The following SPATA17 variants were observed in gnomAD, a reference collection of about 807,000 sequenced individuals.
The protein encoded by SPATA17 is spermatogenesis-associated protein 17.
SPATA17 carries 53 observed loss-of-function variants against 62.2 expected under a neutral mutation model. The observed-to-expected ratio is 0.85, with a 90% CI of 0.68 to 1.07. The LOEUF (loss-of-function observed/expected upper bound fraction) is 1.07, where lower values mean the gene tolerates loss of function less well. SPATA17 is among the 50% of genes least tolerant of loss of function. The pLI is 0.00. For synonymous variants in SPATA17, 146 were observed against 146.8 expected (o/e 0.99, Z 0.04); for missense variants, 466 against 425.5 (o/e 1.10, Z -0.84).
chr1:217,642,932 G>T (rs1003391400), intron 1 of SPATA17, among the ~76,000 whole-genome samples: 3 of 152,052 alleles, frequency 2.0e-5, no homozygotes, highest in Non-Finnish European at 4.4e-5. Context: ...TTTCCTGCCA[G>T]CCCCTAGAAC....
chr1:217,783,929 CAA>C (rs1673792629), intron 8 of SPATA17, among the ~76,000 whole-genome samples: 1 of 151,972 alleles, frequency 6.6e-6, no homozygotes, highest in Admixed American at 6.6e-5. Context: ...TCCGAGATTG[CAA>C]AGTCTTTCTA....
chr1:217,719,828 A>G (rs12118689), intron 5 of SPATA17, among the ~76,000 whole-genome samples: 29 of 152,104 alleles, frequency 1.9e-4, no homozygotes, highest in African/African-American at 6.3e-4. Flanking sequence ...TCAGACTTCA[A>G]TGGAGAGGAT....
chr1:217,770,582 A>G (rs1206684685), intron 6 of SPATA17, among the ~76,000 whole-genome samples: 4 of 152,178 alleles, frequency 2.6e-5, no homozygotes, highest in African/African-American at 9.7e-5. Flanking sequence ...AAATTAGACT[A>G]TAGCTTCCCC....
At chr1:217,639,176 C>T (rs1225510240) in intron 1 of SPATA17, among the ~76,000 whole-genome samples, 1 of 151,992 alleles carries the variant, frequency 6.6e-6, no homozygotes, top group East Asian at 1.9e-4. Flanking sequence ...TCCAAGAATA[C>T]AGGAAAAATA....
intron 5 of SPATA17, among the ~76,000 whole-genome samples, chr1:217,738,320 ATT>A (rs1672557514): frequency 1.3e-5 from 2 of 152,204 alleles, no homozygotes; most frequent in South Asian, 4.1e-4. Flanking sequence ...GTGTAATTTC[ATT>A]CCACAAAGTG....
chr1:217,798,207 T>G (rs1241601548), intron 8 of SPATA17, among the ~76,000 whole-genome samples: 14 of 152,184 alleles, frequency 9.2e-5, no homozygotes, highest in Admixed American at 9.2e-4. Context: ...AAAGAAATAA[T>G]AGCATCTTAC....
At position 217,770,978 on chromosome 1, in the gene SPATA17, A is replaced by ATTTTTTTTTTTTTTTT. The variant is rs374042087; in HGVS notation, c.520-3341_520-3326dup. Among the ~76,000 whole-genome samples the ATTTTTTTTTTTTTTTT allele has an allele frequency of 5.6e-4, 28 of 50,158 alleles. 2 individuals are homozygous for ATTTTTTTTTTTTTTTT. The highest frequency in any genetic ancestry group is 1.7e-3 in the East Asian group (2 of 1,198). 32.9% of individuals were successfully genotyped at this position (50,158 alleles called of 152,430 possible). A position where few individuals can be genotyped will look rare whatever the true frequency, so the allele number is the denominator to read the frequency against. On this transcript the variant is annotated intron_variant, in intron 6 of 10. Transcript: ENST00000366933. ...ATGTATCTATTATATAACTCATTGC[A>ATTTTTTTTTTTTTTTT]TTTTTTTTTTTTTTTTTTTTTTTTT...
intron 9 of SPATA17, among the ~76,000 whole-genome samples, chr1:217,836,533 A>G (rs979405065): frequency 2.0e-5 from 3 of 152,186 alleles, no homozygotes; most frequent in African/African-American, 7.2e-5. Flanking sequence ...CAAAACATCA[A>G]CTATTTGGAA....
chr1:217,667,048 CTTT>C (rs1191694917), intron 3 of SPATA17, among the ~76,000 whole-genome samples: 2 of 115,536 alleles, frequency 1.7e-5, no homozygotes, highest in Non-Finnish European at 3.5e-5. Flanking sequence ...TTTTTTTTTT[CTTT>C]TTTTTTTTTT....
intron 9 of SPATA17, among the ~76,000 whole-genome samples, chr1:217,828,392 G>C (rs1038009433): frequency 2.0e-5 from 3 of 151,270 alleles, no homozygotes; most frequent in African/African-American, 7.3e-5. Flanking sequence ...GAATGAAATT[G>C]GATGCTATTT....
At chr1:217,843,614 A>C (rs561928341) in intron 9 of SPATA17, among the ~76,000 whole-genome samples, 1 of 151,924 alleles carries the variant, frequency 6.6e-6, no homozygotes, top group South Asian at 2.1e-4. Context: ...GGGTCAGCAA[A>C]CTTTTTTTTA....
At chr1:217,760,172 C>G (rs925760934) in intron 6 of SPATA17, among the ~76,000 whole-genome samples, 1 of 152,022 alleles carries the variant, frequency 6.6e-6, no homozygotes, top group Non-Finnish European at 1.5e-5. Flanking sequence ...ATGTTACCAC[C>G]AGAGAGACTT....
rs1339666050 is a variant in SPATA17, at chr1:217,870,675, A to G, written c.*3656A>G. On this transcript the variant is annotated 3_prime_UTR_variant, in exon 11 of 11. Transcript: ENST00000366933. Reference sequence around the variant, plus strand: ...TGATTCTGAATGACTACTGACCACTAAAAACACTAAGAGTACCACTGTGGA... The same window carrying G: ...TGATTCTGAATGACTACTGACCACTGAAAACACTAAGAGTACCACTGTGGA... 3 of 152,182 alleles carry G rather than the reference A, an allele frequency of 2.0e-5. No individual in the cohort carries two copies. Among genetic ancestry groups the G allele is most frequent in the Non-Finnish European group, 4.4e-5 (3 of 68,040 alleles). 9.4% of individuals were successfully genotyped at this position (152,182 alleles called of 1,614,324 possible). A position where few individuals can be genotyped will look rare whatever the true frequency, so the allele number is the denominator to read the frequency against.
chr1:217,829,567 G>T (rs1675083448), intron 9 of SPATA17, among the ~76,000 whole-genome samples: 1 of 131,100 alleles, frequency 7.6e-6, no homozygotes, highest in Non-Finnish European at 1.5e-5. Context: ...GGTGGAGGTT[G>T]CAGTGAGCCG....
At chr1:217,762,409 C>T (rs910363879) in intron 6 of SPATA17, among the ~76,000 whole-genome samples, 4 of 152,158 alleles carry the variant, frequency 2.6e-5, no homozygotes, top group African/African-American at 9.7e-5. Flanking sequence ...CCAAGCTTTT[C>T]GATGACTCCA....
At chr1:217,842,436 G>T (rs1436446716) in intron 9 of SPATA17, among the ~76,000 whole-genome samples, 5 of 151,822 alleles carry the variant, frequency 3.3e-5, no homozygotes, top group Non-Finnish European at 7.4e-5. Context: ...TTGAGTTGTG[G>T]TGTATTCTTT....
At chr1:217,808,380 CA>C (rs1674496621) in intron 9 of SPATA17, among the ~76,000 whole-genome samples, 3 of 47,528 alleles carry the variant, frequency 6.3e-5, no homozygotes, top group Non-Finnish European at 1.5e-4. Flanking sequence ...CACACACACA[CA>C]CCCCCCTCAG....
intron 4 of SPATA17, among the ~76,000 whole-genome samples, chr1:217,677,194 C>G (rs1670966005): frequency 6.6e-6 from 1 of 152,038 alleles, no homozygotes; most frequent in South Asian, 2.1e-4. Flanking sequence ...TTAGAGCTTT[C>G]TCCGCATATA....
intron 8 of SPATA17, among the ~76,000 whole-genome samples, chr1:217,792,971 T>C (rs550595831): frequency 6.6e-6 from 1 of 152,284 alleles, no homozygotes; most frequent in South Asian, 2.1e-4. Flanking sequence ...GATTTGGATA[T>C]GAGTTTAATT....
Sources: gnomAD v4.1 joint callset for allele counts (sites outside exome capture counted in the v4.1 genomes callset) on GRCh38, gnomAD v4.1.1 for gene constraint, MANE v1.5 for transcripts, NCBI Gene and HGNC (gene_info 2026-07-23, HGNC 2026-07-21) for gene names.